ANK3: variants seen among roughly 807,000 people sequenced by gnomAD.
ANK3 encodes ankyrin-3.
Under a neutral mutation model 370.9 loss-of-function variants are expected in ANK3, and 57 were observed. The observed-to-expected ratio is 0.15, with a 90% CI of 0.12 to 0.19. The LOEUF (loss-of-function observed/expected upper bound fraction) is 0.19. ANK3 is among the 10% of genes least tolerant of loss of function. The pLI, the probability that ANK3 is intolerant of heterozygous loss-of-function variation, is 1.00. For synonymous variants in ANK3, 1,929 were observed against 1,946.3 expected, an observed-to-expected ratio of 0.99 and a Z score of 0.23; for missense variants, 4,439 against 5,302.1, an observed-to-expected ratio of 0.84 and a Z score of 5.06.
intron 25 of ANK3, among the ~76,000 whole-genome samples, chr10:60,130,520 T>C (rs1443051162): frequency 6.6e-6 from 1 of 152,216 alleles, no homozygotes; most frequent in African/African-American, 2.4e-5. Context: ...ATGTCATTGC[T>C]TTGGGAATTC....
At chr10:60,216,968 T>C (rs867974329) in intron 8 of ANK3, among the ~76,000 whole-genome samples, 1 of 152,180 alleles carries the variant, frequency 6.6e-6, no homozygotes, top group African/African-American at 2.4e-5. Flanking sequence ...TATTCAGGGA[T>C]TCAATATCTT....
chr10:60,540,334 T>C (rs141875530), intron 2 of ANK3, among the ~76,000 whole-genome samples: 161 of 152,050 alleles, frequency 1.1e-3, no homozygotes, highest in Middle Eastern at 6.8e-3. Context: ...CAGTTCTATA[T>C]GGCTTTTCAG....
chr10:60,380,045 T>C (rs529965231), intron 1 of ANK3, among the ~76,000 whole-genome samples: 3 of 152,116 alleles, frequency 2.0e-5, no homozygotes, highest in Non-Finnish European at 2.9e-5. Flanking sequence ...TTGCCACTTA[T>C]CTTCAAAAAT....
intron 9 of ANK3, among the ~76,000 whole-genome samples, chr10:60,211,046 C>A (rs1432278750): frequency 6.6e-6 from 1 of 152,152 alleles, no homozygotes; most frequent in Admixed American, 6.6e-5. Flanking sequence ...ATCCAGCACA[C>A]TGCTGGGAAT....
At chr10:60,449,869 G>A (rs774426307) in intron 2 of ANK3, among the ~76,000 whole-genome samples, 1 of 152,060 alleles carries the variant, frequency 6.6e-6, no homozygotes, top group Non-Finnish European at 1.5e-5. Context: ...CACAAGTGAT[G>A]GCTGTTTACA....
At chr10:60,166,442 A>T in intron 23 of ANK3, 149 bp downstream of exon 23, 1 of 648,202 alleles carries the variant, frequency 1.5e-6, no homozygotes, top group Middle Eastern at 4.3e-4. Flanking sequence ...GTAGTACCAG[A>T]TATACATTAT....
chr10:60,585,568 GACATATA>G (rs2077819545), intron 2 of ANK3, among the ~76,000 whole-genome samples: 3 of 152,130 alleles, frequency 2.0e-5, no homozygotes, highest in African/African-American at 7.2e-5. Flanking sequence ...CACTTCAGGT[GACATATA>G]ATAGCTACCT....
intron 1 of ANK3, among the ~76,000 whole-genome samples, chr10:60,703,932 C>T (rs1326135392): frequency 2.0e-5 from 3 of 152,158 alleles, no homozygotes; most frequent in Non-Finnish European, 4.4e-5. Context: ...TTAACACCGG[C>T]TTTTGATCTG....
At chr10:60,595,531 C>A (rs114938874) in intron 2 of ANK3, among the ~76,000 whole-genome samples, 2,393 of 152,232 alleles carry the variant, frequency 0.016, 65 homozygotes, top group African/African-American at 0.055. Context: ...GCCTCGAACA[C>A]CAACCTTAGG....
At chr10:60,081,388 G>A (rs1171403100) in intron 35 of ANK3, 16 of 294,198 alleles carry the variant, frequency 5.4e-5, no homozygotes, top group South Asian at 3.4e-4. Flanking sequence ...GAGCCACCAC[G>A]CCTGGCCAGA....
upstream of ANK3, among the ~76,000 whole-genome samples, chr10:60,391,651 A>G (rs1385086623): frequency 2.0e-5 from 3 of 152,230 alleles, no homozygotes; most frequent in Admixed American, 2.0e-4. Flanking sequence ...ATAGACGCTA[A>G]TGATACTTTA....
In ANK3 at chr10:60,196,215, G is replaced by C; in HGVS notation, c.1817C>G (p.Ala606Gly). ...KSGLTPLHVA[A>G]HYDNQKVALL... ...GGCCACTTTCTGATTATCGTAATGT[G>C]CAGCTACATGCAGTGGTGTTAGCCC... Residue 606 changes from alanine (A) to glycine (G), a missense_variant, in exon 16 of 44, where the codon GCA becomes GGA. Physicochemically the swap from Ala to Gly is moderately conservative, Grantham distance 60. Transcript: ENST00000280772. 6.2e-7 allele frequency: 1 copy of C among 1,614,012 alleles called. No individual in the cohort carries two copies. Among genetic ancestry groups the C allele is most frequent in the Non-Finnish European group, 8.5e-7 (1 of 1,179,940 alleles).
chr10:60,140,472 G>T, intron 23 of ANK3: 1 of 1,602,926 alleles, frequency 6.2e-7, no homozygotes, highest in Admixed American at 1.7e-5. Flanking sequence ...ACCAATCCCT[G>T]GTTTGTATCC....
At chr10:60,510,965 C>A (rs997232286) in intron 2 of ANK3, among the ~76,000 whole-genome samples, 4 of 152,124 alleles carry the variant, frequency 2.6e-5, no homozygotes, top group Non-Finnish European at 2.9e-5. Flanking sequence ...GACTGCATGA[C>A]TATCTCTGCT....
intron 1 of ANK3, among the ~76,000 whole-genome samples, chr10:60,318,454 C>T (rs2047931766): frequency 6.6e-6 from 1 of 152,186 alleles, no homozygotes; most frequent in Admixed American, 6.5e-5. Flanking sequence ...ATGGGATCGA[C>T]TTTACCTCAC....
chr10:60,509,505 T>C (rs1288315608), intron 2 of ANK3, among the ~76,000 whole-genome samples: 1 of 152,156 alleles, frequency 6.6e-6, no homozygotes, highest in African/African-American at 2.4e-5. Context: ...CTTTGTGGGA[T>C]TCATATAATG....
intron 2 of ANK3, among the ~76,000 whole-genome samples, chr10:60,473,867 C>T (rs1194497805): frequency 3.3e-5 from 5 of 151,232 alleles, no homozygotes. Flanking sequence ...TGCAGAGGCT[C>T]ACCTTTGTAA....
chr10:60,159,814 C>A (rs748600423), intron 23 of ANK3, among the ~76,000 whole-genome samples: 1 of 152,002 alleles, frequency 6.6e-6, no homozygotes, highest in Admixed American at 6.6e-5. Context: ...TGCTCCTGAA[C>A]GACCATTATG....
At chr10:60,360,610 GAGA>G (rs1193448381) in intron 1 of ANK3, among the ~76,000 whole-genome samples, 1 of 152,092 alleles carries the variant, frequency 6.6e-6, no homozygotes, top group Non-Finnish European at 1.5e-5. Context: ...TGGGAAGGCT[GAGA>G]TGGGAGGATT....
Sources: gnomAD v4.1 joint callset for allele counts (sites outside exome capture counted in the v4.1 genomes callset) on GRCh38, gnomAD v4.1.1 for gene constraint, MANE v1.5 for transcripts, NCBI Gene and HGNC (gene_info 2026-07-23, HGNC 2026-07-21) for gene names.